Variants in MAGI2 observed in about 807,000 individuals in gnomAD.
MAGI2 encodes the protein membrane-associated guanylate kinase, WW and PDZ domain-containing protein 2.
Under a neutral mutation model 133.3 loss-of-function variants are expected in MAGI2, and 35 were observed. The observed-to-expected ratio is 0.26, with a 90% confidence interval of 0.20 to 0.35. The LOEUF (loss-of-function observed/expected upper bound fraction) is 0.35. Ranked by LOEUF, MAGI2 falls within the 10% of genes least tolerant of loss-of-function variation. MAGI2 has a pLI of 1.00. For missense variants in MAGI2, 1,636 were observed against 1,863.4 expected (o/e 0.88, Z 2.25); for synonymous variants, 729 against 710.6 (o/e 1.03, Z -0.41).
intron 1 of MAGI2, among the ~76,000 whole-genome samples, chr7:79,333,063 C>T (rs1263867312): frequency 1.3e-5 from 2 of 152,176 alleles, no homozygotes; most frequent in African/African-American, 2.4e-5. Flanking sequence ...CTGCCCACTT[C>T]CTCTCAACTT....
At chr7:78,390,452 A>G (rs1795795777) in intron 6 of MAGI2, among the ~76,000 whole-genome samples, 1 of 152,122 alleles carries the variant, frequency 6.6e-6, no homozygotes, top group Non-Finnish European at 1.5e-5. Flanking sequence ...CTGTGCAGAG[A>G]GCTGGGGATT....
chr7:79,051,910 C>CTA (rs553162570), intron 1 of MAGI2, among the ~76,000 whole-genome samples: 136 of 151,430 alleles, frequency 9.0e-4, no homozygotes, highest in East Asian at 1.6e-3. Flanking sequence ...CTCTCTCTTT[C>CTA]TATATATATA....
rs866116783 is a variant in MAGI2, at chr7:79,178,282, G to A, written c.302-171076C>T. Among the ~76,000 whole-genome samples the A allele has an allele frequency of 6.6e-5, 10 of 151,812 alleles. No homozygotes were observed. In the South Asian group the frequency reaches 1.0e-3, roughly 16 times the overall value. Reference sequence around the variant, plus strand: ...CATTATTAGTGAAAACAGCAGATACGTTCTAGCACTGATGGTATGGAATTA... The same window carrying A: ...CATTATTAGTGAAAACAGCAGATACATTCTAGCACTGATGGTATGGAATTA... On this transcript the variant is annotated intron_variant, in intron 1 of 21. Coordinates refer to ENST00000354212, the MANE Select transcript of MAGI2 (RefSeq NM_012301.4).
intron 3 of MAGI2, among the ~76,000 whole-genome samples, chr7:78,587,763 C>T (rs961874950): frequency 8.5e-5 from 13 of 152,166 alleles, no homozygotes; most frequent in African/African-American, 2.7e-4. Flanking sequence ...TTTCTCCAAC[C>T]TTAAATCATA....
chr7:78,159,115 G>A (rs140424190), intron 16 of MAGI2, among the ~76,000 whole-genome samples: 178 of 152,136 alleles, frequency 1.2e-3, no homozygotes, highest in Admixed American at 7.7e-3. Flanking sequence ...CTGAATGCTC[G>A]GGGAGACTGA....
intron 2 of MAGI2, among the ~76,000 whole-genome samples, chr7:78,642,585 T>A (rs1026033998): frequency 6.6e-6 from 1 of 152,180 alleles, no homozygotes; most frequent in African/African-American, 2.4e-5. Context: ...TGAATATCAA[T>A]CTAGTGGAAA....
chr7:79,434,265 C>T (rs1294836384), intron 1 of MAGI2, among the ~76,000 whole-genome samples: 2 of 152,076 alleles, frequency 1.3e-5, no homozygotes, highest in Middle Eastern at 3.2e-3. Flanking sequence ...GATGAGATGT[C>T]GATGAGTAAT....
At chr7:79,236,893 T>C (rs1288655962) in intron 1 of MAGI2, among the ~76,000 whole-genome samples, 1 of 151,994 alleles carries the variant, frequency 6.6e-6, no homozygotes, top group African/African-American at 2.4e-5. Flanking sequence ...AATAAAAATA[T>C]AATTAGCTGA....
chr7:78,675,758 T>TC (rs1410422507), intron 2 of MAGI2, among the ~76,000 whole-genome samples: 3 of 152,132 alleles, frequency 2.0e-5, no homozygotes, highest in African/African-American at 4.8e-5. Context: ...CAGTAGGTTG[T>TC]AAACAATCCT....
At chr7:79,250,366 AAAC>A (rs1406649805) in intron 1 of MAGI2, among the ~76,000 whole-genome samples, 1 of 151,554 alleles carries the variant, frequency 6.6e-6, no homozygotes. Context: ...AAAAAAAAGA[AAAC>A]AAACAGAACT....
At chr7:78,569,117 T>G (rs1427308299) in intron 3 of MAGI2, among the ~76,000 whole-genome samples, 1 of 133,420 alleles carries the variant, frequency 7.5e-6, no homozygotes, top group Non-Finnish European at 1.7e-5. Context: ...GCCACATATG[T>G]GCATGCCAAC....
chr7:78,894,696 A>T (rs1160552837), intron 2 of MAGI2, among the ~76,000 whole-genome samples: 3 of 152,216 alleles, frequency 2.0e-5, no homozygotes, highest in Non-Finnish European at 4.4e-5. Flanking sequence ...AATACGAACA[A>T]ATAAGAAAAG....
chr7:78,108,642 ATGTGTGTGTGTG>A (rs71844818), intron 20 of MAGI2, among the ~76,000 whole-genome samples: 12 of 148,802 alleles, frequency 8.1e-5, no homozygotes, highest in African/African-American at 2.2e-4. Flanking sequence ...CTCTCTCTGT[ATGTGTGTGTGTG>A]TGTGTGTGTG....
At chr7:78,066,918 C>T (rs947464698) in intron 21 of MAGI2, among the ~76,000 whole-genome samples, 1 of 152,188 alleles carries the variant, frequency 6.6e-6, no homozygotes, top group Non-Finnish European at 1.5e-5. Flanking sequence ...GCCCAACTTG[C>T]TCCACACGTG....
chr7:78,093,312 AT>A (rs1467456694), intron 20 of MAGI2, among the ~76,000 whole-genome samples: 1 of 149,896 alleles, frequency 6.7e-6, no homozygotes, highest in Non-Finnish European at 1.5e-5. Flanking sequence ...GTAAAAAAAA[AT>A]CATGGTGGCG....
At chr7:79,187,314 CA>C (rs1827257915) in intron 1 of MAGI2, among the ~76,000 whole-genome samples, 1 of 151,608 alleles carries the variant, frequency 6.6e-6, no homozygotes, top group African/African-American at 2.4e-5. Flanking sequence ...TATGTTTCTT[CA>C]AAAAGTAGTC....
chr7:78,671,898 A>G (rs547295330), intron 2 of MAGI2, among the ~76,000 whole-genome samples: 1 of 152,304 alleles, frequency 6.6e-6, no homozygotes, highest in South Asian at 2.1e-4. Flanking sequence ...CTATGTGATG[A>G]CATTAATTGG....
chr7:78,423,940 T>G (rs563160215), intron 6 of MAGI2, among the ~76,000 whole-genome samples: 2 of 152,072 alleles, frequency 1.3e-5, no homozygotes, highest in Non-Finnish European at 2.9e-5. Context: ...AGCCTGACAA[T>G]GTAATAGAAA....
intron 9 of MAGI2, among the ~76,000 whole-genome samples, chr7:78,271,800 C>T (rs1350464223): frequency 1.3e-5 from 2 of 151,890 alleles, no homozygotes; most frequent in African/African-American, 4.8e-5. Context: ...GTGGTGATAT[C>T]CCCTTTATCA....
Sources: allele counts gnomAD v4.1 joint callset (sites outside exome capture counted in the v4.1 genomes callset), GRCh38; gene constraint gnomAD v4.1.1; transcripts MANE v1.5; gene names NCBI Gene and HGNC (gene_info 2026-07-23, HGNC 2026-07-21).